RAB20: variants seen among roughly 807,000 people sequenced by gnomAD.
RAB20 encodes the protein RAB20, member RAS oncogene family, also known as ras-related protein Rab-20.
Under a neutral mutation model 3.7 loss-of-function variants are expected in RAB20, and 2 were observed. The ratio of observed to expected loss-of-function variants is 0.54; its 90% CI spans 0.22 to 1.69. The LOEUF is 1.69. Ranked by LOEUF, RAB20 falls within the 40% of genes most tolerant of loss-of-function variation. RAB20 has a pLI of 0.19. For missense variants in RAB20, 276 were observed against 311.9 expected (o/e 0.88, Z 0.87); for synonymous variants, 126 against 130.8 (o/e 0.96, Z 0.25).
chr13:110,546,568 G>A lies in RAB20; in HGVS notation c.172+14780C>T, dbSNP rs916534313. On this transcript the variant is annotated intron_variant, in intron 1 of 1. Transcript: ENST00000267328. The stretch of plus-strand genomic sequence containing the variant: ...CTCATTTTTTATTGATGCACTCAGC[G>A]GCTCTGCAGGCCACCCTTGGTCTGT... 3.9e-5 allele frequency among the ~76,000 whole-genome samples: 6 copies of A among 152,094 alleles called. 1 individual carries two copies. Among genetic ancestry groups the A allele is most frequent in the East Asian group, 1.9e-4 (1 of 5,186 alleles).
rs962430159 is a variant in RAB20 at position 110,561,717 on chromosome 13, C to A, written c.-198G>T. The A allele has an allele frequency of 3.1e-6, 3 of 956,032 alleles. No individual in the cohort carries two copies. In the African/African-American group the frequency reaches 5.2e-5, roughly 16 times the overall value. The allele number at this position is 956,032 out of a possible 1,614,324, so 59.2% of individuals were successfully genotyped here. On this transcript the variant is annotated 5_prime_UTR_variant, in exon 1 of 2. Transcript: ENST00000267328. ...TGCGCGCCCGGGAAGGAGCTGGGTG[C>A]AGAGCACGGAGCCCACGTCGGGGGC...
At chr13:110,548,474 A>ACT (rs10679480) in intron 1 of RAB20, among the ~76,000 whole-genome samples, 124,539 of 151,572 alleles carry the variant, frequency 0.82, 52,936 homozygotes, top group South Asian at 0.94. Flanking sequence ...AGAGAATGAA[A>ACT]CTGTCTCAAA....
At chr13:110,552,710 A>AATAAATAC (rs938244575) in intron 1 of RAB20, among the ~76,000 whole-genome samples, 1 of 151,298 alleles carries the variant, frequency 6.6e-6, no homozygotes, top group African/African-American at 2.4e-5. Context: ...TAAATAAATA[A>AATAAATAC]ATAAATAAAT....
intron 1 of RAB20, among the ~76,000 whole-genome samples, chr13:110,560,899 A>AG (rs987847554): frequency 1.3e-5 from 2 of 152,070 alleles, no homozygotes; most frequent in African/African-American, 4.8e-5. Context: ...TAAACCCAAC[A>AG]GGGGGGAACA....
At chr13:110,540,791 C>G in intron 1 of RAB20, among the ~76,000 whole-genome samples, 1 of 87,034 alleles carries the variant, frequency 1.1e-5, no homozygotes, top group East Asian at 4.9e-4. Flanking sequence ...GTATATTATA[C>G]CACAATAAAA....
intron 1 of RAB20, among the ~76,000 whole-genome samples, chr13:110,524,968 C>A (rs1404365285): frequency 2.6e-5 from 4 of 152,238 alleles, no homozygotes; most frequent in Non-Finnish European, 5.9e-5. Context: ...CGGGAACCTG[C>A]TCCCAAAACA....
intron 1 of RAB20, among the ~76,000 whole-genome samples, chr13:110,547,940 G>A (rs1022304851): frequency 6.6e-6 from 1 of 152,138 alleles, no homozygotes; most frequent in Non-Finnish European, 1.5e-5. Context: ...TTAAAATATA[G>A]GTAAGCATTT....
Position 110,550,962 on chromosome 13 carries a change from CTATTGTATCACAGCACTCAGGACAATGA to C in RAB20, c.172+10358_172+10385del, listed in dbSNP as rs1164417819. ...AGTTCCCTACCACGCACACAATGGC[CTATTGTATCACAGCACTCAGGACAATGA>C]TATTTCCACACTAATTTTATCATTC... On this transcript the variant is annotated intron_variant, in intron 1 of 1. Coordinates refer to ENST00000267328, the MANE Select transcript of RAB20 (RefSeq NM_017817.3). 3.3e-5 allele frequency among the ~76,000 whole-genome samples: 5 copies of C among 152,268 alleles called. No individual in the cohort carries two copies. In the East Asian group the frequency reaches 9.7e-4, roughly 29 times the overall value.
In RAB20 at chr13:110,536,724, G is replaced by GC. The variant is rs1395959832; in HGVS notation, c.173-12528_173-12527insG. Among the ~76,000 whole-genome samples, 38 of 84,752 alleles carry GC rather than the reference G, an allele frequency of 4.5e-4. 7 individuals carry two copies. Among genetic ancestry groups the GC allele is most frequent in the East Asian group, 9.8e-4 (3 of 3,050 alleles). 55.6% of individuals were successfully genotyped at this position (84,752 alleles called of 152,430 possible). A position where few individuals can be genotyped will look rare whatever the true frequency, so the allele number is the denominator to read the frequency against. ...AATATCTAAAATGGCTTTTTTTTGG[G>GC]GCGGTGGGGGGGGGTTGTTTTTATG... On this transcript the variant is annotated intron_variant, in intron 1 of 1. Coordinates refer to ENST00000267328, the MANE Select transcript of RAB20 (RefSeq NM_017817.3).
chr13:110,531,026 T>C (rs4773211), intron 1 of RAB20, among the ~76,000 whole-genome samples: 61,981 of 152,176 alleles, frequency 0.41, 13,136 homozygotes, highest in African/African-American at 0.53. Flanking sequence ...GTATCAAGGA[T>C]AGGAAGCGCT....
At position 110,545,623 on chromosome 13, in the gene RAB20, T is replaced by C. The variant is rs113672082; in HGVS notation, c.172+15725A>G. On this transcript the variant is annotated intron_variant, in intron 1 of 1. Transcript: ENST00000267328. The stretch of plus-strand genomic sequence containing the variant: ...TCAGGATATTAAAACTAGAAGGAGC[T>C]TGGAGATCCTTGTGCTGAGGTGGTG... Among the ~76,000 whole-genome samples, 55 of 152,284 alleles carry C rather than the reference T, an allele frequency of 3.6e-4. No individual in the cohort carries two copies. In the South Asian group the frequency reaches 9.5e-3, roughly 26 times the overall value.
intron 1 of RAB20, among the ~76,000 whole-genome samples, chr13:110,532,999 G>A (rs1884571018): frequency 6.6e-6 from 1 of 152,220 alleles, no homozygotes; most frequent in Non-Finnish European, 1.5e-5. Flanking sequence ...AAACTTTTAA[G>A]ATGAGTTCTC....
rs930743256 is a variant in RAB20 at position 110,555,786 on chromosome 13, G to A, written c.172+5562C>T. Reference sequence around the variant, plus strand: ...GCTGAGCCCTTGGGTGGCAGATGGCGACTTTTATTCTCACTCTTTACCACG... The same window carrying A: ...GCTGAGCCCTTGGGTGGCAGATGGCAACTTTTATTCTCACTCTTTACCACG... On this transcript the variant is annotated intron_variant, in intron 1 of 1. Coordinates refer to ENST00000267328, the MANE Select transcript of RAB20 (RefSeq NM_017817.3). This position sits in a 1 kb window ranked among gnomAD's most constrained non-coding sequence, Gnocchi z 4.0. Among the ~76,000 whole-genome samples the A allele has an allele frequency of 7.9e-5, 12 of 152,160 alleles. No homozygotes were observed. The highest frequency in any genetic ancestry group is 1.9e-4 in the African/African-American group (8 of 41,430).
chr13:110,527,064 GCTCT>G (rs1346975192), intron 1 of RAB20, among the ~76,000 whole-genome samples: 11 of 150,710 alleles, frequency 7.3e-5, no homozygotes, highest in Admixed American at 5.2e-4. Flanking sequence ...CACACATGTG[GCTCT>G]CTAAGGCAGA....
At position 110,523,476 on chromosome 13, in the gene RAB20, CA is replaced by C; in HGVS notation, c.*188del. 8.9e-7 allele frequency: 1 copy of C among 1,125,042 alleles called. No homozygotes were observed. Among genetic ancestry groups the C allele is most frequent in the East Asian group, 2.6e-5 (1 of 38,486 alleles). 69.7% of individuals were successfully genotyped at this position (1,125,042 alleles called of 1,614,324 possible). On this transcript the variant is annotated 3_prime_UTR_variant, in exon 2 of 2. Coordinates refer to ENST00000267328, the MANE Select transcript of RAB20 (RefSeq NM_017817.3). ...GTTTCCCACCTCCCCACCCCTCTGACAGAGACTGAGGAGACCACACACGTTG... is the reference window on the plus strand; with the variant it reads ...GTTTCCCACCTCCCCACCCCTCTGACGAGACTGAGGAGACCACACACGTTG...
rs1376174446 is a variant in RAB20 at position 110,555,068 on chromosome 13, T to C, written c.172+6280A>G. On this transcript the variant is annotated intron_variant, in intron 1 of 1. Transcript: ENST00000267328. This position sits in a 1 kb window ranked among gnomAD's most constrained non-coding sequence, Gnocchi z 4.0. ...CTTCCCAGTCTGTAGGACGGCAACG[T>C]TGACGCCTCCCAGGAGGAGCCTTGT... 6.6e-6 allele frequency among the ~76,000 whole-genome samples: 1 copy of C among 152,144 alleles called. No individual in the cohort carries two copies. Among genetic ancestry groups the C allele is most frequent in the African/African-American group, 2.4e-5 (1 of 41,430 alleles).
At chr13:110,547,009 G>A (rs1405727776) in intron 1 of RAB20, among the ~76,000 whole-genome samples, 1 of 152,080 alleles carries the variant, frequency 6.6e-6, no homozygotes, top group East Asian at 1.9e-4. Context: ...CGAAGTGCTG[G>A]GATTACAGGC....
At chr13:110,529,725 G>A (rs1436795729) in intron 1 of RAB20, among the ~76,000 whole-genome samples, 5 of 152,166 alleles carry the variant, frequency 3.3e-5, no homozygotes, top group African/African-American at 1.2e-4. Flanking sequence ...GGGGGCACGG[G>A]TTCAAGCCTG....
intron 1 of RAB20, among the ~76,000 whole-genome samples, chr13:110,532,983 G>T (rs1318154610): frequency 6.6e-6 from 1 of 152,176 alleles, no homozygotes; most frequent in Non-Finnish European, 1.5e-5. Context: ...GCCCAGCGGA[G>T]AACAGAAACT....
Sources: gnomAD v4.1 joint callset for allele counts (sites outside exome capture counted in the v4.1 genomes callset) on GRCh38, gnomAD v4.1.1 for gene constraint, Gnocchi (gnomAD v3.1) non-coding constraint, MANE v1.5 for transcripts, NCBI Gene and HGNC (gene_info 2026-07-23, HGNC 2026-07-21) for gene names.